Variants in RIT2 observed in about 807,000 individuals in gnomAD.
RIT2 encodes the protein Ras like without CAAX 2.
RIT2 carries 24 observed loss-of-function variants against 23.7 expected under a neutral mutation model. That is an observed-to-expected ratio of 1.01 (90% confidence interval 0.73 to 1.43). RIT2 has a LOEUF of 1.43. Ranked by LOEUF, RIT2 falls within the 40% of genes most tolerant of loss-of-function variation. RIT2 has a pLI of 0.00. For missense variants in RIT2, 236 were observed against 266.9 expected, an observed-to-expected ratio of 0.88 and a Z score of 0.81; for synonymous variants, 107 against 91.1, an observed-to-expected ratio of 1.17 and a Z score of -0.99.
intron 3 of RIT2, among the ~76,000 whole-genome samples, chr18:42,944,364 T>G (rs1909674748): frequency 6.6e-6 from 1 of 152,102 alleles, no homozygotes; most frequent in Non-Finnish European, 1.5e-5. Flanking sequence ...TTGTTTATTG[T>G]TTGTCTCCCC....
intron 4 of RIT2, among the ~76,000 whole-genome samples, chr18:42,860,027 A>C (rs1165613406): frequency 6.6e-6 from 1 of 152,134 alleles, no homozygotes; most frequent in Non-Finnish European, 1.5e-5. Flanking sequence ...TTGTGTTACC[A>C]CCTCAGACAG....
intron 4 of RIT2, among the ~76,000 whole-genome samples, chr18:42,788,323 A>T (rs1000123679): frequency 6.6e-6 from 1 of 152,174 alleles, no homozygotes; most frequent in African/African-American, 2.4e-5. Flanking sequence ...TAGCTTCTTC[A>T]GGTAGTTTTG....
intron 1 of RIT2, among the ~76,000 whole-genome samples, chr18:43,059,492 A>T (rs774876670): frequency 6.6e-6 from 1 of 152,150 alleles, no homozygotes; most frequent in Non-Finnish European, 1.5e-5. Flanking sequence ...AAATTGGACT[A>T]GTATAGCATA....
chr18:42,898,297 G>A lies in RIT2; in HGVS notation c.426+25275C>T, dbSNP rs145807658. On this transcript the variant is annotated intron_variant, in intron 4 of 4. Transcript: ENST00000326695. ...TAGTCCCAGCTACTTGGGAAGCTGA[G>A]TCATGAGAATTGCTTGAACCCAGGA... 2.7e-3 allele frequency among the ~76,000 whole-genome samples: 404 copies of A among 152,256 alleles called. 2 individuals are homozygous for A. Among genetic ancestry groups the A allele is most frequent in the African/African-American group, 9.3e-3 (385 of 41,548 alleles).
intron 4 of RIT2, among the ~76,000 whole-genome samples, chr18:42,753,868 T>C (rs1470464329): frequency 2.6e-5 from 4 of 152,144 alleles, no homozygotes; most frequent in Non-Finnish European, 5.9e-5. Context: ...AGAGTTACTT[T>C]AAAAAAAGAA....
chr18:42,896,312 G>T (rs1908329198), intron 4 of RIT2, among the ~76,000 whole-genome samples: 1 of 152,202 alleles, frequency 6.6e-6, no homozygotes, highest in Non-Finnish European at 1.5e-5. Flanking sequence ...TTGTGAGAAG[G>T]CATGGATTCA....
intron 4 of RIT2, among the ~76,000 whole-genome samples, chr18:42,912,853 G>A (rs1908806450): frequency 6.6e-6 from 1 of 151,722 alleles, no homozygotes; most frequent in Non-Finnish European, 1.5e-5. Flanking sequence ...ATAACCAATA[G>A]GTTTAATTTA....
chr18:43,003,896 G>A (rs1911166910), intron 2 of RIT2, among the ~76,000 whole-genome samples: 1 of 151,184 alleles, frequency 6.6e-6, no homozygotes, highest in Non-Finnish European at 1.5e-5. Context: ...TATTTTGAAA[G>A]TAGAAAAATC....
chr18:42,896,243 A>C lies in RIT2; in HGVS notation c.426+27329T>G, dbSNP rs551694529. ...CGTGCCATTGCACTCCAGCCTGGGCAACAAGAGTGAAACTCCGTCACAAAA... is the reference window on the plus strand; with the variant it reads ...CGTGCCATTGCACTCCAGCCTGGGCCACAAGAGTGAAACTCCGTCACAAAA... On this transcript the variant is annotated intron_variant, in intron 4 of 4. Coordinates refer to ENST00000326695, the MANE Select transcript of RIT2 (RefSeq NM_002930.4). Among the ~76,000 whole-genome samples, 5 of 152,332 alleles carry C rather than the reference A, an allele frequency of 3.3e-5. No individual in the cohort carries two copies. The South Asian group carries it at 1.0e-3, about 32-fold the overall frequency.
chr18:43,085,354 AGT>A (rs1289651379), intron 1 of RIT2, among the ~76,000 whole-genome samples: 3 of 152,070 alleles, frequency 2.0e-5, no homozygotes, highest in South Asian at 4.1e-4. Context: ...TTGTAGCAAG[AGT>A]GTGAAAAAAA....
intron 4 of RIT2, among the ~76,000 whole-genome samples, chr18:42,759,778 T>TAA (rs1913257851): frequency 6.7e-6 from 1 of 149,524 alleles, no homozygotes; most frequent in Non-Finnish European, 1.5e-5. Context: ...TATATATATA[T>TAA]ATAAATTTTT....
intron 2 of RIT2, among the ~76,000 whole-genome samples, chr18:43,018,675 C>T (rs184568947): frequency 4.5e-4 from 68 of 151,892 alleles, no homozygotes; most frequent in Admixed American, 7.9e-4. Flanking sequence ...AAACAAAAAA[C>T]CTGCCAGCCA....
chr18:42,894,490 A>T (rs539939070), intron 4 of RIT2, among the ~76,000 whole-genome samples: 4 of 152,198 alleles, frequency 2.6e-5, no homozygotes, highest in African/African-American at 4.8e-5. Flanking sequence ...ACAACACTTA[A>T]TATAAGTACA....
chr18:42,987,726 A>C (rs1910744119), intron 2 of RIT2, among the ~76,000 whole-genome samples: 1 of 152,212 alleles, frequency 6.6e-6, no homozygotes, highest in Admixed American at 6.5e-5. Flanking sequence ...AAAGAGGTTT[A>C]TTTGGCTCAC....
At chr18:43,033,629 A>T (rs1173772009) in intron 2 of RIT2, among the ~76,000 whole-genome samples, 182 bp downstream of exon 2, 1 of 152,172 alleles carries the variant, frequency 6.6e-6, no homozygotes, top group African/African-American at 2.4e-5. Context: ...GGCAAGAAGT[A>T]AGGACAAATA....
At chr18:42,997,808 T>C (rs1410583518) in intron 2 of RIT2, among the ~76,000 whole-genome samples, 2 of 152,098 alleles carry the variant, frequency 1.3e-5, no homozygotes, top group Non-Finnish European at 2.9e-5. Flanking sequence ...ACTTGGAAAA[T>C]AGCCAGTGAC....
chr18:42,781,676 G>C (rs1913815110), intron 4 of RIT2, among the ~76,000 whole-genome samples: 1 of 152,178 alleles, frequency 6.6e-6, no homozygotes, highest in African/African-American at 2.4e-5. Context: ...GTGCATATGA[G>C]CTAGTTCTGC....
chr18:42,787,123 TC>T (rs928535865), intron 4 of RIT2, among the ~76,000 whole-genome samples: 5 of 98,452 alleles, frequency 5.1e-5, no homozygotes, highest in Admixed American at 1.2e-4. Context: ...ATGCTATCCC[TC>T]CCCCCTCCCC....
At chr18:42,864,022 G>A (rs1157363533) in intron 4 of RIT2, among the ~76,000 whole-genome samples, 1 of 148,782 alleles carries the variant, frequency 6.7e-6, no homozygotes, top group Non-Finnish European at 1.5e-5. Context: ...CAAATTGAAT[G>A]ACAAGATTGT....
Sources: gnomAD v4.1 joint callset for allele counts (sites outside exome capture counted in the v4.1 genomes callset) on GRCh38, gnomAD v4.1.1 for gene constraint, MANE v1.5 for transcripts, NCBI Gene and HGNC (gene_info 2026-07-23, HGNC 2026-07-21) for gene names.